The following CACNB2 variants were observed in gnomAD, a reference collection of about 807,000 sequenced individuals.
CACNB2 encodes calcium voltage-gated channel auxiliary subunit beta 2.
Under a neutral mutation model 73.3 loss-of-function variants are expected in CACNB2, and 42 were observed. The observed-to-expected ratio is 0.57, with a 90% CI of 0.45 to 0.74. The LOEUF (loss-of-function observed/expected upper bound fraction) is 0.74. Ranked by LOEUF, CACNB2 falls within the 30% of genes least tolerant of loss-of-function variation. CACNB2 has a pLI of 0.00. For missense variants in CACNB2, 940 were observed against 853.0 expected (o/e 1.10, Z -1.27); for synonymous variants, 348 against 310.3 (o/e 1.12, Z -1.28).
chr10:18,292,876 A>T (rs1259443523), intron 2 of CACNB2, among the ~76,000 whole-genome samples: 1 of 152,108 alleles, frequency 6.6e-6, no homozygotes, highest in Non-Finnish European at 1.5e-5. Flanking sequence ...TAAACACCAA[A>T]TTTTTTACCA....
chr10:18,421,840 G>T (rs2045340559), intron 3 of CACNB2, among the ~76,000 whole-genome samples: 1 of 152,162 alleles, frequency 6.6e-6, no homozygotes, highest in African/African-American at 2.4e-5. Context: ...AGTGGCTGAT[G>T]CTTGAAGAAC....
At chr10:18,313,554 T>C (rs927387682) in intron 2 of CACNB2, among the ~76,000 whole-genome samples, 6 of 152,310 alleles carry the variant, frequency 3.9e-5, no homozygotes, top group African/African-American at 9.6e-5. Flanking sequence ...GAGCTTTCTA[T>C]CTTTTGACCT....
At chr10:18,295,318 C>T (rs1007201780) in intron 2 of CACNB2, among the ~76,000 whole-genome samples, 2 of 152,166 alleles carry the variant, frequency 1.3e-5, no homozygotes, top group African/African-American at 4.8e-5. Flanking sequence ...CCTGCTTCCA[C>T]TTGTTCATGA....
chr10:18,154,969 A>G (rs1417580774), intron 2 of CACNB2, among the ~76,000 whole-genome samples: 2 of 152,244 alleles, frequency 1.3e-5, no homozygotes, highest in African/African-American at 4.8e-5. Context: ...ACCACCCTGT[A>G]GTAATCTGTT....
At chr10:18,310,605 C>CAAAAAAAAAAAAAAAA (rs1157466238) in intron 2 of CACNB2, among the ~76,000 whole-genome samples, 2 of 36,858 alleles carry the variant, frequency 5.4e-5, no homozygotes, top group African/African-American at 1.3e-4. Context: ...AACTCCATCT[C>CAAAAAAAAAAAAAAAA]AAAAAAAAAA....
At chr10:18,477,359 A>C (rs190380215) in intron 3 of CACNB2, among the ~76,000 whole-genome samples, 5 of 152,172 alleles carry the variant, frequency 3.3e-5, no homozygotes, top group Admixed American at 6.5e-5. Flanking sequence ...ACTCCCATGA[A>C]TAAGAATGCC....
intron 2 of CACNB2, among the ~76,000 whole-genome samples, chr10:18,236,892 G>A (rs1219534494): frequency 3.3e-5 from 5 of 152,064 alleles, no homozygotes; most frequent in African/African-American, 1.2e-4. Flanking sequence ...TGACATCCTG[G>A]CTTATCTATA....
intron 3 of CACNB2, among the ~76,000 whole-genome samples, chr10:18,439,762 C>T (rs2046321303): frequency 6.6e-6 from 1 of 152,170 alleles, no homozygotes; most frequent in South Asian, 2.1e-4. Flanking sequence ...TCATCTGATA[C>T]TCGGCTGAAA....
At position 18,412,431 on chromosome 10, in the gene CACNB2, C is replaced by T. The variant is rs1564520568; in HGVS notation, c.333+10388C>T. Among the ~76,000 whole-genome samples, 3 of 152,162 alleles carry T rather than the reference C, an allele frequency of 2.0e-5. 1 individual carries two copies. Among genetic ancestry groups the T allele is most frequent in the Admixed American group, 2.0e-4 (3 of 15,286 alleles). On this transcript the variant is annotated intron_variant, in intron 3 of 13. Transcript: ENST00000324631. ...GTCCTATTTTTTTCCCTTCTTTCTA[C>T]TGCCAACCTTATCACCCCAGGCTTT...
At chr10:18,533,844 A>AAAAGT (rs1488330624) in intron 10 of CACNB2, among the ~76,000 whole-genome samples, 2 of 152,234 alleles carry the variant, frequency 1.3e-5, no homozygotes, top group African/African-American at 4.8e-5. Flanking sequence ...GTATTATACT[A>AAAAGT]AAAGTAAATT....
At position 18,539,706 on chromosome 10, in the gene CACNB2, T is replaced by C. The variant is rs58225473; in HGVS notation, c.1965T>C (p.Asp655=). 7 of 1,608,556 alleles carry C rather than the reference T, an allele frequency of 4.4e-6. No individual in the cohort carries two copies. In the Admixed American group the frequency reaches 1.2e-4, roughly 27 times the overall value. The change falls in exon 14 of 14, where the codon GAT becomes GAC. Residue 655 remains aspartate, a synonymous_variant. Coordinates refer to ENST00000324631, the MANE Select transcript of CACNB2 (RefSeq NM_201596.3). The part of the protein sequence containing the change: ...KRNEAGEWNR[D]VYIRQ ...ATGAGGCTGGGGAGTGGAACAGGGA[T>C]GTTTACATCCGCCAATGAGTTTTGC...
chr10:18,284,766 T>C (rs2038712421), intron 2 of CACNB2, among the ~76,000 whole-genome samples: 1 of 152,130 alleles, frequency 6.6e-6, no homozygotes, highest in Non-Finnish European at 1.5e-5. Context: ...TATGAGGCAG[T>C]ATGCTTGGTC....
chr10:18,240,183 G>C (rs1414105577), intron 2 of CACNB2, among the ~76,000 whole-genome samples: 1 of 152,188 alleles, frequency 6.6e-6, no homozygotes, highest in Non-Finnish European at 1.5e-5. Flanking sequence ...TTAGAGAAAT[G>C]CCTAAAAACA....
chr10:18,417,574 G>A (rs11819694), intron 3 of CACNB2, among the ~76,000 whole-genome samples: 2,895 of 151,872 alleles, frequency 0.019, 105 homozygotes, highest in African/African-American at 0.066. Context: ...CACCATGTTG[G>A]CCAGGCTGCT....
intron 2 of CACNB2, among the ~76,000 whole-genome samples, chr10:18,227,599 G>T (rs1052578613): frequency 3.3e-5 from 5 of 152,126 alleles, no homozygotes; most frequent in African/African-American, 1.2e-4. Context: ...TTTATTGAGG[G>T]AACTTAACAA....
intron 3 of CACNB2, among the ~76,000 whole-genome samples, chr10:18,430,272 G>A (rs1004297569): frequency 6.6e-6 from 1 of 152,062 alleles, no homozygotes; most frequent in Admixed American, 6.6e-5. Flanking sequence ...ACCTGTCTTC[G>A]AACCTCTAGT....
At chr10:18,177,153 CAAATCA>C (rs1400826234) in intron 2 of CACNB2, among the ~76,000 whole-genome samples, 1 of 152,038 alleles carries the variant, frequency 6.6e-6, no homozygotes, top group Non-Finnish European at 1.5e-5. Context: ...GATCACCCAT[CAAATCA>C]TGTGCATATA....
intron 2 of CACNB2, among the ~76,000 whole-genome samples, chr10:18,337,414 T>G (rs2041051629): frequency 6.6e-6 from 1 of 152,238 alleles, no homozygotes; most frequent in African/African-American, 2.4e-5. Context: ...CTTTTTTCTT[T>G]TATTTACTCT....
At chr10:18,364,369 C>T (rs150879167) in intron 2 of CACNB2, among the ~76,000 whole-genome samples, 194 of 151,272 alleles carry the variant, frequency 1.3e-3, no homozygotes, top group African/African-American at 4.4e-3. Context: ...GGCAAGATCT[C>T]GGCTCATTGT....
Sources: gnomAD v4.1 joint callset for allele counts (sites outside exome capture counted in the v4.1 genomes callset) on GRCh38, gnomAD v4.1.1 for gene constraint, MANE v1.5 for transcripts, NCBI Gene and HGNC (gene_info 2026-07-23, HGNC 2026-07-21) for gene names.